The following PCDHA7 variants were observed in gnomAD, a reference collection of about 807,000 sequenced individuals.
PCDHA7 encodes protocadherin alpha-7.
In PCDHA7, 37 loss-of-function variants were observed where a neutral mutation model predicts 57.2. That is an observed-to-expected ratio of 0.65 (90% confidence interval 0.50 to 0.85). The LOEUF (loss-of-function observed/expected upper bound fraction) is 0.85, where lower values mean the gene tolerates loss of function less well. Ranked by LOEUF, PCDHA7 falls within the 40% of genes least tolerant of loss-of-function variation. PCDHA7 has a pLI of 0.00. For synonymous variants in PCDHA7, 553 were observed against 558.8 expected (o/e 0.99, Z 0.15); for missense variants, 1,188 against 1,241.8 (o/e 0.96, Z 0.65).
chr5:140,929,308 G>A, intron 1 of PCDHA7: 3 of 1,569,682 alleles, frequency 1.9e-6, no homozygotes, highest in East Asian at 2.3e-5. Context: ...AGGGGATCAC[G>A]CTAATGTCAA....
In PCDHA7 at chr5:141,011,865, G is replaced by A. The variant is rs372303007; in HGVS notation, c.*1928G>A. Reference sequence around the variant, plus strand: ...TAAGACATTTTAATTTTGTTATAATGTACAATTTAGAAGTTTGATTAATTA... The same window carrying A: ...TAAGACATTTTAATTTTGTTATAATATACAATTTAGAAGTTTGATTAATTA... On this transcript the variant is annotated 3_prime_UTR_variant, in exon 4 of 4. Coordinates refer to ENST00000525929, the MANE Select transcript of PCDHA7 (RefSeq NM_018910.3). 40 of 153,574 alleles carry A rather than the reference G, an allele frequency of 2.6e-4. No individual in the cohort carries two copies. The highest frequency in any genetic ancestry group is 3.4e-3 in the Middle Eastern group (1 of 294). 9.5% of individuals were successfully genotyped at this position (153,574 alleles called of 1,614,324 possible).
intron 1 of PCDHA7, chr5:140,866,744 A>G (rs980107592): frequency 1.3e-5 from 2 of 152,180 alleles, no homozygotes; most frequent in African/African-American, 2.4e-5. Flanking sequence ...TAATACTTAT[A>G]TGACTAACAG....
At chr5:140,964,378 T>A (rs182628269) in intron 1 of PCDHA7, among the ~76,000 whole-genome samples, 1 of 151,270 alleles carries the variant, frequency 6.6e-6, no homozygotes, top group Non-Finnish European at 1.5e-5. Context: ...GAAAGGAGAG[T>A]CCTGGTTTTT....
intron 1 of PCDHA7, chr5:140,884,066 G>T (rs2059975136): frequency 6.2e-7 from 1 of 1,613,514 alleles, no homozygotes; most frequent in Non-Finnish European, 8.5e-7. Context: ...GGTGGACGCC[G>T]ATTCGGGCTA....
At chr5:140,923,950 C>T (rs544576500) in intron 1 of PCDHA7, among the ~76,000 whole-genome samples, 3 of 152,266 alleles carry the variant, frequency 2.0e-5, no homozygotes, top group Admixed American at 6.5e-5. Flanking sequence ...TTTTTCCTCA[C>T]GCCCTAATCT....
intron 3 of PCDHA7, among the ~76,000 whole-genome samples, chr5:140,998,686 T>G (rs1245765431): frequency 6.6e-6 from 1 of 152,118 alleles, no homozygotes; most frequent in Non-Finnish European, 1.5e-5. Context: ...TGCCTCAGCC[T>G]CCCAAGTAGC....
At chr5:140,941,221 T>TTCTTTCTTTCTTTCTTTCTTTCTC (rs2092905955) in intron 1 of PCDHA7, among the ~76,000 whole-genome samples, 1 of 131,536 alleles carries the variant, frequency 7.6e-6, no homozygotes, top group Admixed American at 7.9e-5. Context: ...CTTCCTTTCT[T>TTCTTTCTTTCTTTCTTTCTTTCTC]TCTTTCTTTC....
intron 1 of PCDHA7, among the ~76,000 whole-genome samples, chr5:140,838,259 G>T (rs975965491): frequency 6.8e-6 from 1 of 146,930 alleles, no homozygotes; most frequent in Admixed American, 6.9e-5. Flanking sequence ...GATTAAAGAC[G>T]CCAACAACCA....
At chr5:140,883,226 G>T (rs572696678) in intron 1 of PCDHA7, 82 of 1,613,938 alleles carry the variant, frequency 5.1e-5, no homozygotes, top group South Asian at 4.2e-4. Flanking sequence ...TGAAATATCC[G>T]TGGAGGCAGT....
intron 1 of PCDHA7, chr5:140,852,112 T>C: frequency 1.1e-6 from 1 of 910,156 alleles, no homozygotes; most frequent in Non-Finnish European, 1.3e-6. Flanking sequence ...TTACAAGGTA[T>C]GACCTAATTA....
chr5:140,865,125 A>T (rs1581734540), intron 1 of PCDHA7: 1 of 152,310 alleles, frequency 6.6e-6, no homozygotes, highest in East Asian at 1.9e-4. Flanking sequence ...GGTGTTAATT[A>T]TACCTTAGAA....
intron 1 of PCDHA7, among the ~76,000 whole-genome samples, chr5:140,892,032 T>C (rs1329804086): frequency 6.6e-6 from 1 of 152,222 alleles, no homozygotes; most frequent in African/African-American, 2.4e-5. Context: ...TCTAAGATAC[T>C]TTTATTTATT....
intron 1 of PCDHA7, among the ~76,000 whole-genome samples, chr5:140,874,847 A>AT (rs1459176801): frequency 6.6e-6 from 1 of 152,242 alleles, no homozygotes; most frequent in Non-Finnish European, 1.5e-5. Context: ...TATTAGACAT[A>AT]TTTTAGTTTC....
chr5:141,005,691 A>G (rs1481537036), intron 3 of PCDHA7, among the ~76,000 whole-genome samples: 1 of 134,408 alleles, frequency 7.4e-6, no homozygotes, highest in Non-Finnish European at 1.6e-5. Flanking sequence ...GACAGAGCGA[A>G]ACTCCGTCTC....
Position 140,974,189 on chromosome 5 carries a change from G to T in PCDHA7, c.2356-4760G>T, listed in dbSNP as rs146863475. On this transcript the variant is annotated intron_variant, in intron 1 of 3. Transcript: ENST00000525929. ...AGAATTTTAACTTGACAAATGCAAA[G>T]GAATATCCAACATTGCAAAGGTAAA... Among the ~76,000 whole-genome samples the T allele has an allele frequency of 7.6e-3, 1,163 of 152,258 alleles. 4 individuals carry two copies. The highest frequency in any genetic ancestry group is 0.014 in the Middle Eastern group (4 of 294).
chr5:140,881,679 A>G (rs2058790767), intron 1 of PCDHA7, among the ~76,000 whole-genome samples: 1 of 152,220 alleles, frequency 6.6e-6, no homozygotes, highest in Non-Finnish European at 1.5e-5. Flanking sequence ...TGTGATTGTT[A>G]TGTTTCCTTT....
chr5:140,850,234 T>A lies in PCDHA7; in HGVS notation c.2355+13496T>A, dbSNP rs2150474836. The A allele has an allele frequency of 8.5e-5, 136 of 1,593,694 alleles. 18 individuals carry two copies. Among genetic ancestry groups the A allele is most frequent in the Non-Finnish European group, 1.1e-4 (134 of 1,167,462 alleles). Reference sequence around the variant, plus strand: ...GGCACTGACGGCGCAGTGAGCGAGATGGTGCTGCGGTCGGTGGGCGCCGGC... The same window carrying A: ...GGCACTGACGGCGCAGTGAGCGAGAAGGTGCTGCGGTCGGTGGGCGCCGGC... On this transcript the variant is annotated intron_variant, in intron 1 of 3. Coordinates refer to ENST00000525929, the MANE Select transcript of PCDHA7 (RefSeq NM_018910.3).
At chr5:140,874,111 G>A (rs977519429) in intron 1 of PCDHA7, among the ~76,000 whole-genome samples, 2 of 152,174 alleles carry the variant, frequency 1.3e-5, no homozygotes, top group African/African-American at 2.4e-5. Flanking sequence ...ATTACTTAAC[G>A]TTTTATAGTT....
chr5:140,978,849 T>C, intron 1 of PCDHA7, 100 bp from the exon 2 acceptor site: 7 of 1,577,036 alleles, frequency 4.4e-6, no homozygotes, highest in Non-Finnish European at 5.2e-6. Flanking sequence ...CTTTTTTAGA[T>C]GCCTGGAAAT....
Sources: allele counts gnomAD v4.1 joint callset (sites outside exome capture counted in the v4.1 genomes callset), GRCh38; gene constraint gnomAD v4.1.1; transcripts MANE v1.5; gene names NCBI Gene and HGNC (gene_info 2026-07-23, HGNC 2026-07-21).